The following ADGRB1 variants were observed in gnomAD, a reference collection of about 807,000 sequenced individuals.
ADGRB1 encodes the protein brain-specific angiogenesis inhibitor 1.
ADGRB1 carries 36 observed loss-of-function variants against 175.7 expected under a neutral mutation model. That is an observed-to-expected ratio of 0.20 (90% CI 0.16 to 0.27). ADGRB1 has a LOEUF of 0.27. Among genes scored for constraint, ADGRB1 ranks in the 10% least tolerant of loss-of-function variants. The pLI, the probability that ADGRB1 is intolerant of heterozygous loss-of-function variation, is 1.00. For missense variants in ADGRB1, 1,731 were observed against 2,255.3 expected (o/e 0.77, Z 4.71); for synonymous variants, 1,054 against 979.4 (o/e 1.08, Z -1.42).
At position 142,542,326 on chromosome 8, in the gene ADGRB1, G is replaced by A. The variant is rs1845321061; in HGVS notation, c.4092G>A (p.Lys1364=). 1 of 1,612,204 alleles carries A rather than the reference G, an allele frequency of 6.2e-7. No individual in the cohort carries two copies. The highest frequency in any genetic ancestry group is 8.5e-7 in the Non-Finnish European group (1 of 1,179,530). Residue 1364 remains lysine (K), a synonymous_variant, in exon 28 of 31, where the codon AAG becomes AAA. Coordinates refer to ENST00000517894, the MANE Select transcript of ADGRB1 (RefSeq NM_001702.3). This position sits in a 1 kb window ranked among gnomAD's most constrained non-coding sequence, Gnocchi z 6.3. ...GGCCCAAGCCCAAGGAGGAGCCCAA[G>A]TACAGCATCCACATTGACCAGATGC... is the stretch of plus-strand genomic sequence containing the variant. The part of the protein sequence containing the change: ...TLRPKPKEEP[K]YSIHIDQMPQ...
chr8:142,487,275 C>T (rs945796737), intron 13 of ADGRB1, among the ~76,000 whole-genome samples: 5 of 152,142 alleles, frequency 3.3e-5, no homozygotes, highest in South Asian at 4.1e-4. Context: ...CTCCAGCGTC[C>T]GTCTGCCCCC....
chr8:142,502,399 ATGGTGGTGGTGGTGGTGG>A (rs1243939678), intron 17 of ADGRB1, among the ~76,000 whole-genome samples: 4 of 2,638 alleles, frequency 1.5e-3, no homozygotes, highest in Non-Finnish European at 2.3e-3. Flanking sequence ...AGTGGTGGTG[ATGGTGGTGGTGGTGGTGG>A]TGATGGTGGT....
intron 23 of ADGRB1, among the ~76,000 whole-genome samples, chr8:142,525,280 C>G (rs1362179289): frequency 6.6e-6 from 1 of 151,950 alleles, no homozygotes; most frequent in Non-Finnish European, 1.5e-5. Context: ...AGGCGGGAGG[C>G]AGGAGAGGCG....
chr8:142,476,878 G>A (rs553642188), intron 4 of ADGRB1, among the ~76,000 whole-genome samples, 183 bp downstream of exon 4: 5 of 152,324 alleles, frequency 3.3e-5, no homozygotes, highest in East Asian at 3.9e-4. Context: ...GTGAAGAAAC[G>A]TGTCCCTGGC....
chr8:142,450,821 C>T (rs1839304093), intron 1 of ADGRB1, among the ~76,000 whole-genome samples: 1 of 152,240 alleles, frequency 6.6e-6, no homozygotes, highest in Admixed American at 6.5e-5. Context: ...ACGCGAACGC[C>T]TGGCTCTTCC....
At chr8:142,508,063 T>A (rs929788863) in intron 17 of ADGRB1, among the ~76,000 whole-genome samples, 1 of 151,956 alleles carries the variant, frequency 6.6e-6, no homozygotes, top group Non-Finnish European at 1.5e-5. Flanking sequence ...TTTTTATGTG[T>A]CTGGCTGCAT....
chr8:142,489,312 C>T (rs1841870568), intron 15 of ADGRB1, 24 bp from the exon 16 acceptor site: 1 of 1,611,322 alleles, frequency 6.2e-7, no homozygotes, highest in African/African-American at 1.3e-5. Flanking sequence ...GCTCCCCCGA[C>T]ACCTGTGCCT....
Position 142,530,849 on chromosome 8 carries a change from G to A in ADGRB1, c.3399-2446G>A, listed in dbSNP as rs961009791. Among the ~76,000 whole-genome samples the A allele has an allele frequency of 4.6e-5, 7 of 152,294 alleles. 1 individual carries two copies. In the East Asian group the frequency reaches 1.4e-3, roughly 29 times the overall value. On this transcript the variant is annotated intron_variant, in intron 24 of 30. Coordinates refer to ENST00000517894, the MANE Select transcript of ADGRB1 (RefSeq NM_001702.3). ...TGCCTCTCCAGACAGGAGCAGGCGC[G>A]GTGCAGCTGGGCACTCCTGGCCTCC...
chr8:142,455,122 C>A lies in ADGRB1; in HGVS notation c.-220+5018C>A, dbSNP rs1287401448. ...ATCTCACCCCACCCCATCACCCCCA[C>A]CACCATTGCCCCCGAGGCTACCTCA... On this transcript the variant is annotated intron_variant, in intron 1 of 30. Coordinates refer to ENST00000517894, the MANE Select transcript of ADGRB1 (RefSeq NM_001702.3). This position sits in a 1 kb window ranked among gnomAD's most constrained non-coding sequence, Gnocchi z 4.9. Among the ~76,000 whole-genome samples, 1 of 148,942 alleles carries A rather than the reference C, an allele frequency of 6.7e-6. No homozygotes were observed. The highest frequency in any genetic ancestry group is 1.5e-5 in the Non-Finnish European group (1 of 67,222).
At chr8:142,494,646 A>G (rs1322787115) in intron 17 of ADGRB1, among the ~76,000 whole-genome samples, 1 of 151,760 alleles carries the variant, frequency 6.6e-6, no homozygotes, top group Non-Finnish European at 1.5e-5. Flanking sequence ...ATGTCTGCTC[A>G]TGCTCTGTAA....
intron 1 of ADGRB1, among the ~76,000 whole-genome samples, chr8:142,463,234 A>C (rs2131668861): frequency 6.6e-6 from 1 of 152,230 alleles, no homozygotes; most frequent in African/African-American, 2.4e-5. Context: ...GCACGAGGGC[A>C]CACGTGGGAG....
chr8:142,539,255 T>C, intron 26 of ADGRB1, 119 bp from the exon 27 acceptor site: 4 of 1,037,486 alleles, frequency 3.9e-6, no homozygotes, highest in East Asian at 2.7e-5. Context: ...GCTGTGGACA[T>C]GGACAGGGGT....
chr8:142,500,312 A>C lies in ADGRB1; in HGVS notation c.2675+9497A>C, dbSNP rs1283605965. 9.9e-3 allele frequency among the ~76,000 whole-genome samples: 81 copies of C among 8,170 alleles called. 3 individuals carry two copies. The highest frequency in any genetic ancestry group is 0.12 in the Middle Eastern group (1 of 8). 5.4% of individuals were successfully genotyped at this position (8,170 alleles called of 152,430 possible). A position where few individuals can be genotyped will look rare whatever the true frequency, so the allele number is the denominator to read the frequency against. ...CCACGCGCCGCTCCTCCACCTCCCC[A>C]CGCGCCGCTCCTCCCCCGCCCCCCG... On this transcript the variant is annotated intron_variant, in intron 17 of 30. Coordinates refer to ENST00000517894, the MANE Select transcript of ADGRB1 (RefSeq NM_001702.3).
chr8:142,502,580 CAGTCA>C (rs1448621922), intron 17 of ADGRB1, among the ~76,000 whole-genome samples: 1 of 10,104 alleles, frequency 9.9e-5, no homozygotes, highest in African/African-American at 1.1e-4. Context: ...GATGGTGGTT[CAGTCA>C]TCACTGTGGT....
rs534774466 is a variant in ADGRB1, at chr8:142,465,033, G to T, written c.784+51G>T. On this transcript the variant is annotated intron_variant, in intron 2 of 30. Transcript: ENST00000517894. ...GGACAGGGGAGGTGGGCAGACAGGG[G>T]AGGCGGGCAGACAGGGGAGGCGGGC... 18 of 945,540 alleles carry T rather than the reference G, an allele frequency of 1.9e-5. No individual in the cohort carries two copies. The South Asian group carries it at 3.1e-4, about 16-fold the overall frequency. 58.6% of individuals were successfully genotyped at this position (945,540 alleles called of 1,614,324 possible).
In ADGRB1 at chr8:142,477,206, T is replaced by A. The variant is rs760863014; in HGVS notation, c.1150T>A (p.Ser384Thr). ...WQTRTRFCVS[S>T]SYSTQCSGPL... ...GACCCGCACGCGCTTCTGCGTGTCC[T>A]CCTCCTACAGCACGCAGTGCAGCGG... The change falls in exon 5 of 31, where the codon TCC becomes ACC. Residue 384 changes from serine (S) to threonine (T), a missense_variant. Ser to Thr is a moderately conservative substitution (Grantham distance 58, BLOSUM62 1). Coordinates refer to ENST00000517894, the MANE Select transcript of ADGRB1 (RefSeq NM_001702.3). 7 of 1,597,356 alleles carry A rather than the reference T, an allele frequency of 4.4e-6. 1 individual carries two copies. The South Asian group carries it at 7.7e-5, about 18-fold the overall frequency.
At chr8:142,495,191 G>C (rs1198281162) in intron 17 of ADGRB1, among the ~76,000 whole-genome samples, 1 of 151,058 alleles carries the variant, frequency 6.6e-6, no homozygotes, top group African/African-American at 2.4e-5. Flanking sequence ...CCGGCTGTTT[G>C]CCAGAGGGAT....
chr8:142,468,260 G>T (rs926636900), intron 2 of ADGRB1, among the ~76,000 whole-genome samples: 4 of 152,188 alleles, frequency 2.6e-5, no homozygotes, highest in African/African-American at 9.7e-5. Context: ...GCGTGTGTGT[G>T]TGACATGCAT....
chr8:142,462,650 G>A (rs1281786062), intron 1 of ADGRB1, among the ~76,000 whole-genome samples: 1 of 152,244 alleles, frequency 6.6e-6, no homozygotes, highest in Non-Finnish European at 1.5e-5. Context: ...CTGGGCAGCA[G>A]GAAGCGGCAA....
Sources: gnomAD v4.1 joint callset for allele counts (sites outside exome capture counted in the v4.1 genomes callset) on GRCh38, gnomAD v4.1.1 for gene constraint, Gnocchi (gnomAD v3.1) non-coding constraint, MANE v1.5 for transcripts, NCBI Gene and HGNC (gene_info 2026-07-23, HGNC 2026-07-21) for gene names.